Variants in GNPTAB observed in about 807,000 individuals in gnomAD.
GNPTAB encodes the protein N-acetylglucosamine-1-phosphate transferase subunits alpha and beta.
In GNPTAB, 92 loss-of-function variants were observed where a neutral mutation model predicts 136.6. The observed-to-expected ratio is 0.67, with a 90% CI of 0.57 to 0.80. The LOEUF is 0.80. Among genes scored for constraint, GNPTAB ranks in the 30% least tolerant of loss-of-function variants. The probability of loss-of-function intolerance (pLI) is 0.00; values close to 1 mark genes in which losing one functional copy is unlikely to be tolerated. For missense variants in GNPTAB, 1,343 were observed against 1,501.8 expected (o/e 0.89, Z 1.75); for synonymous variants, 512 against 535.1 (o/e 0.96, Z 0.60).
chr12:101,773,450 G>A (rs958087653), intron 7 of GNPTAB: 2 of 196,236 alleles, frequency 1.0e-5, no homozygotes, highest in Non-Finnish European at 2.1e-5. Flanking sequence ...GAAGCTGAGG[G>A]GCTGCAGGCC....
intron 1 of GNPTAB, among the ~76,000 whole-genome samples, chr12:101,808,716 G>A (rs1268529175): frequency 6.6e-6 from 1 of 152,206 alleles, no homozygotes; most frequent in Non-Finnish European, 1.5e-5. Context: ...GGAGGCTGAG[G>A]CGAGTGGATC....
At chr12:101,811,498 A>G (rs1870232381) in intron 1 of GNPTAB, among the ~76,000 whole-genome samples, 1 of 152,080 alleles carries the variant, frequency 6.6e-6, no homozygotes, top group Non-Finnish European at 1.5e-5. Flanking sequence ...ACTGACTCAC[A>G]GTTCTGCAGG....
In GNPTAB at chr12:101,753,404, G is replaced by T; in HGVS notation, c.3570C>A (p.Asn1190Lys). 1 of 1,614,008 alleles carries T rather than the reference G, an allele frequency of 6.2e-7. No individual in the cohort carries two copies. The highest frequency in any genetic ancestry group is 8.5e-7 in the Non-Finnish European group (1 of 1,179,920). ...SQFELPREYRNRFLHMHELQE... is the reference protein window; with the variant it reads ...SQFELPREYRKRFLHMHELQE... Reference sequence around the variant, plus strand: ...GCAGCTCATGCATATGAAGGAAACGGTTTCGATACTCTCTTGGCAGTTCAA... The same window carrying T: ...GCAGCTCATGCATATGAAGGAAACGTTTTCGATACTCTCTTGGCAGTTCAA... Residue 1190 changes from asparagine (N) to lysine (K), a missense_variant, in exon 19 of 21, where the codon AAC (asparagine) becomes AAA (lysine). Asn to Lys is a moderately conservative substitution (Grantham distance 94, BLOSUM62 0). Coordinates refer to ENST00000299314, the MANE Select transcript of GNPTAB (RefSeq NM_024312.5).
intron 7 of GNPTAB, among the ~76,000 whole-genome samples, chr12:101,776,073 T>C (rs1953258992): frequency 6.6e-6 from 1 of 150,430 alleles, no homozygotes; most frequent in Non-Finnish European, 1.5e-5. Flanking sequence ...AATGTGACTA[T>C]AAATGCTTGA....
chr12:101,790,869 C>T (rs992458752), intron 2 of GNPTAB, among the ~76,000 whole-genome samples: 4 of 151,742 alleles, frequency 2.6e-5, no homozygotes, highest in Non-Finnish European at 5.9e-5. Context: ...CCCAGCCTCA[C>T]CTCTGCTTTT....
intron 19 of GNPTAB, among the ~76,000 whole-genome samples, chr12:101,752,897 T>C (rs1289615507): frequency 1.3e-5 from 2 of 152,194 alleles, no homozygotes; most frequent in African/African-American, 4.8e-5. Context: ...CTTTCAAATA[T>C]TAAACGCAAT....
chr12:101,777,754 C>G (rs952183198), intron 7 of GNPTAB, among the ~76,000 whole-genome samples: 1 of 152,174 alleles, frequency 6.6e-6, no homozygotes, highest in African/African-American at 2.4e-5. Flanking sequence ...ATAATGTAAT[C>G]AGGAAGCAAA....
intron 10 of GNPTAB, among the ~76,000 whole-genome samples, chr12:101,769,169 G>T (rs554982737): frequency 1.3e-5 from 2 of 152,116 alleles, no homozygotes; most frequent in African/African-American, 4.8e-5. Context: ...TTCTAACAAC[G>T]CTACAAGGGT....
chr12:101,809,884 A>G (rs572840315), intron 1 of GNPTAB, among the ~76,000 whole-genome samples: 5 of 152,356 alleles, frequency 3.3e-5, no homozygotes, highest in Admixed American at 3.3e-4. Context: ...TATAAAACAA[A>G]GAATGAATCC....
At chr12:101,826,960 T>G (rs1053592081) in intron 1 of GNPTAB, among the ~76,000 whole-genome samples, 4 of 135,026 alleles carry the variant, frequency 3.0e-5, no homozygotes, top group African/African-American at 5.8e-5. Context: ...GTTTTTTTTT[T>G]TTTTTTTTTT....
At chr12:101,820,924 G>A (rs949592463) in intron 1 of GNPTAB, among the ~76,000 whole-genome samples, 1 of 152,058 alleles carries the variant, frequency 6.6e-6, no homozygotes, top group Non-Finnish European at 1.5e-5. Context: ...GGGCGTGGCA[G>A]TGCAAGCCTG....
At chr12:101,825,908 T>C (rs548711483) in intron 1 of GNPTAB, among the ~76,000 whole-genome samples, 65 of 152,310 alleles carry the variant, frequency 4.3e-4, no homozygotes, top group Non-Finnish European at 8.4e-4. Context: ...TGGGAACCAC[T>C]GAGGATCACA....
chr12:101,812,731 C>A (rs1204758909), intron 1 of GNPTAB, among the ~76,000 whole-genome samples: 1 of 152,114 alleles, frequency 6.6e-6, no homozygotes, highest in East Asian at 1.9e-4. Context: ...TGAACTCCAA[C>A]CTGGGTGACA....
rs1465151537 is a variant in GNPTAB at position 101,745,646 on chromosome 12, C to T, written c.*1518G>A. Reference sequence around the variant, plus strand: ...ATTGTTGAGATCATGATCTAAAATACCTGTCAGAGTTACTCATGGAATCTG... The same window carrying T: ...ATTGTTGAGATCATGATCTAAAATATCTGTCAGAGTTACTCATGGAATCTG... On this transcript the variant is annotated 3_prime_UTR_variant, in exon 21 of 21. Coordinates refer to ENST00000299314, the MANE Select transcript of GNPTAB (RefSeq NM_024312.5). 1.3e-5 allele frequency: 2 copies of T among 152,188 alleles called. No individual in the cohort carries two copies. The highest frequency in any genetic ancestry group is 4.8e-5 in the African/African-American group (2 of 41,430). 9.4% of individuals were successfully genotyped at this position (152,188 alleles called of 1,614,324 possible).
At position 101,761,349 on chromosome 12, in the gene GNPTAB, G is replaced by C. The variant is rs766231147; in HGVS notation, c.2916-3C>G. ...TCTTGTCAAATTCTTCAGGGAACCT[G>C]TCCAAATATAACATATTACAAACTC... is the stretch of plus-strand genomic sequence containing the variant. On this transcript the variant is annotated splice_polypyrimidine_tract_variant and splice_region_variant and intron_variant, in intron 14 of 20. Coordinates refer to ENST00000299314, the MANE Select transcript of GNPTAB (RefSeq NM_024312.5). 2 of 1,611,644 alleles carry C rather than the reference G, an allele frequency of 1.2e-6. No homozygotes were observed. Among genetic ancestry groups the C allele is most frequent in the Non-Finnish European group, 1.7e-6 (2 of 1,178,756 alleles).
At chr12:101,791,571 G>A (rs1868993481) in intron 2 of GNPTAB, among the ~76,000 whole-genome samples, 1 of 151,622 alleles carries the variant, frequency 6.6e-6, no homozygotes, top group South Asian at 2.1e-4. Flanking sequence ...GGCCACATAC[G>A]GCCCACAGGT....
Position 101,830,743 on chromosome 12 carries a change from G to A in GNPTAB, c.-68C>T, listed in dbSNP as rs1009955426. On this transcript the variant is annotated 5_prime_UTR_variant, in exon 1 of 21. Transcript: ENST00000299314. ...CCGCCGCCGCCGCCGCCGCCTCAGC[G>A]AGCCGCCATTCAGGGGCCCCGGTCG... 10 of 1,023,414 alleles carry A rather than the reference G, an allele frequency of 9.8e-6. No individual in the cohort carries two copies. The highest frequency in any genetic ancestry group is 2.9e-4 in the Middle Eastern group (1 of 3,456). 63.4% of individuals were successfully genotyped at this position (1,023,414 alleles called of 1,614,324 possible).
At chr12:101,796,494 T>C in intron 2 of GNPTAB, 183 bp downstream of exon 2, 1 of 618,196 alleles carries the variant, frequency 1.6e-6, no homozygotes, top group Non-Finnish European at 2.9e-6. Context: ...CGTTCCAGTT[T>C]TTTTTTCCTT....
chr12:101,786,707 T>C (rs1868668512), intron 4 of GNPTAB, among the ~76,000 whole-genome samples: 1 of 152,196 alleles, frequency 6.6e-6, no homozygotes. Flanking sequence ...TAAATTTATA[T>C]GAGATATTTC....
Sources: allele counts gnomAD v4.1 joint callset (sites outside exome capture counted in the v4.1 genomes callset), GRCh38; gene constraint gnomAD v4.1.1; transcripts MANE v1.5; gene names NCBI Gene and HGNC (gene_info 2026-07-23, HGNC 2026-07-21).